Variants in RP1L1 observed in about 807,000 individuals in gnomAD.
RP1L1 encodes the protein RP1 like 1.
A neutral mutation model predicts 15.7 loss-of-function variants in RP1L1; 27 were observed. That is an observed-to-expected ratio of 1.72 (90% CI 1.27 to 2.38). RP1L1 has a LOEUF of 2.38. RP1L1 is among the 30% of genes most tolerant of loss of function. The probability of loss-of-function intolerance (pLI) is 0.00; values close to 1 mark genes in which losing one functional copy is unlikely to be tolerated. For synonymous variants in RP1L1, 1,813 were observed against 1,276.7 expected, an observed-to-expected ratio of 1.42 and a Z score of -8.96; for missense variants, 4,798 against 3,075.9, an observed-to-expected ratio of 1.56 and a Z score of -13.24.
At chr8:10,645,489 C>A (rs1798463296) in intron 1 of RP1L1, among the ~76,000 whole-genome samples, 2 of 152,208 alleles carry the variant, frequency 1.3e-5, no homozygotes, top group South Asian at 4.1e-4. Context: ...AGATCCTACT[C>A]ACCAGGGGCT....
chr8:10,621,902 G>A, intron 2 of RP1L1: 1 of 405,382 alleles, frequency 2.5e-6, no homozygotes, highest in South Asian at 1.8e-5. Context: ...TTCACTCTCT[G>A]GCTTCCCAAA....
Position 10,607,177 on chromosome 8 carries a change from G to T in RP1L1, c.6921C>A (p.Gly2307=), listed in dbSNP as rs767516023. Residue 2307 remains glycine (G), a synonymous_variant, in exon 4 of 4, where the codon GGC becomes GGA. Transcript: ENST00000382483. ...TTTCTGAGTCTTTCTGCCAGCAGTT[G>T]CCCCAAGAGGATGCTCTGGAGGAGG... The part of the protein sequence containing the change: ...GPSSSRASSW[G]NCWQKDSEND... 1.2e-6 allele frequency: 2 copies of T among 1,614,216 alleles called. No homozygotes were observed. The highest frequency in any genetic ancestry group is 1.3e-5 in the African/African-American group (1 of 75,040).
At position 10,607,440 on chromosome 8, in the gene RP1L1, C is replaced by A. The variant is rs1563119360; in HGVS notation, c.6658G>T (p.Glu2220Ter). ...EGVEAPEAEE[E>*]AQPEPEGVET... Reference sequence around the variant, plus strand: ...ACGCCTTCTGGCTCTGGCTGGGCCTCCTCTTCAGCCTCCGGGGCCTCTACA... The same window carrying A: ...ACGCCTTCTGGCTCTGGCTGGGCCTACTCTTCAGCCTCCGGGGCCTCTACA... The change falls in exon 4 of 4, where the codon GAG becomes TAG. Residue 2220 changes from glutamate to a stop codon, truncating the protein, a stop_gained. Transcript: ENST00000382483. LOFTEE classifies it low-confidence loss of function (END_TRUNC). 3.1e-6 allele frequency: 5 copies of A among 1,613,792 alleles called. No homozygotes were observed. The highest frequency in any genetic ancestry group is 2.5e-6 in the Non-Finnish European group (3 of 1,179,934).
intron 1 of RP1L1, among the ~76,000 whole-genome samples, chr8:10,652,654 A>G (rs1798579671): frequency 6.6e-6 from 1 of 151,372 alleles, no homozygotes; most frequent in South Asian, 2.1e-4. Flanking sequence ...TTTACAATTG[A>G]TCCTTCTGTA....
intron 1 of RP1L1, among the ~76,000 whole-genome samples, chr8:10,650,288 T>G (rs114463523): frequency 5.4e-4 from 82 of 152,214 alleles, no homozygotes; most frequent in African/African-American, 1.9e-3. Context: ...AACCCCACAT[T>G]CTTCAAGCCA....
At chr8:10,640,129 G>C (rs1798385858) in intron 1 of RP1L1, among the ~76,000 whole-genome samples, 1 of 152,198 alleles carries the variant, frequency 6.6e-6, no homozygotes, top group Non-Finnish European at 1.5e-5. Flanking sequence ...GAGGACTTAA[G>C]GGTGAGATTG....
At chr8:10,628,967 C>A (rs1798199289) in intron 1 of RP1L1, among the ~76,000 whole-genome samples, 2 of 152,230 alleles carry the variant, frequency 1.3e-5, no homozygotes, top group Non-Finnish European at 2.9e-5. Context: ...GGATGTGCAG[C>A]CTCGTCAGAG....
At chr8:10,641,237 GAACA>G (rs1798401732) in intron 1 of RP1L1, among the ~76,000 whole-genome samples, 1 of 152,202 alleles carries the variant, frequency 6.6e-6, no homozygotes, top group Non-Finnish European at 1.5e-5. Context: ...AATGAAATGT[GAACA>G]GACATGACAT....
chr8:10,634,076 C>G (rs1411231017), intron 1 of RP1L1, among the ~76,000 whole-genome samples: 1 of 152,254 alleles, frequency 6.6e-6, no homozygotes, highest in African/African-American at 2.4e-5. Context: ...AGATAGAGCT[C>G]AGAGGACCAG....
intron 1 of RP1L1, among the ~76,000 whole-genome samples, chr8:10,645,187 C>A (rs1031001473): frequency 6.6e-6 from 1 of 152,000 alleles, no homozygotes; most frequent in African/African-American, 2.4e-5. Flanking sequence ...ATTAGCTGGG[C>A]GTGGTGGTGC....
intron 1 of RP1L1, among the ~76,000 whole-genome samples, chr8:10,653,075 C>T (rs1180193621): frequency 1.3e-5 from 2 of 152,138 alleles, no homozygotes; most frequent in African/African-American, 4.8e-5. Flanking sequence ...CTCCAGCAAG[C>T]CACAGAGTGG....
intron 1 of RP1L1, among the ~76,000 whole-genome samples, chr8:10,626,120 T>G (rs1798153501): frequency 6.6e-6 from 1 of 151,902 alleles, no homozygotes; most frequent in African/African-American, 2.4e-5. Context: ...AGGGCGGACC[T>G]GCAGGGAGGA....
At chr8:10,623,358 T>C (rs1798104852) in intron 1 of RP1L1, 138 bp from the exon 2 acceptor site, 1 of 692,058 alleles carries the variant, frequency 1.4e-6, no homozygotes, top group Non-Finnish European at 2.4e-6. Flanking sequence ...AGTGAATCTA[T>C]TTGGATGGAA....
At chr8:10,634,359 A>C (rs1798298473) in intron 1 of RP1L1, among the ~76,000 whole-genome samples, 1 of 152,178 alleles carries the variant, frequency 6.6e-6, no homozygotes, top group African/African-American at 2.4e-5. Context: ...CACGGACCCT[A>C]GGATGAGCCC....
chr8:10,629,307 C>G (rs556587570), intron 1 of RP1L1, among the ~76,000 whole-genome samples: 39 of 152,018 alleles, frequency 2.6e-4, no homozygotes, highest in African/African-American at 9.2e-4. Context: ...GGGGGCTACC[C>G]ATGGCCCTGA....
At position 10,611,480 on chromosome 8, in the gene RP1L1, G is replaced by A. The variant is rs1431434670; in HGVS notation, c.2618C>T (p.Thr873Ile). 1 of 1,571,024 alleles carries A rather than the reference G, an allele frequency of 6.4e-7. No homozygotes were observed. Among genetic ancestry groups the A allele is most frequent in the South Asian group, 1.1e-5 (1 of 87,138 alleles). Residue 873 changes from threonine to isoleucine, a missense_variant, in exon 4 of 4, where the codon ACC becomes ATC. Coordinates refer to ENST00000382483, the MANE Select transcript of RP1L1 (RefSeq NM_178857.6). The stretch of plus-strand genomic sequence containing the variant: ...GGCAGTGCTTTGGTGGCTGCTGCCG[G>A]TGCTCCCACAGCTGGAAGAGCGCCT... ...PQRRSSSCGS[T>I]GSSHQSTARG...
intron 1 of RP1L1, among the ~76,000 whole-genome samples, chr8:10,632,768 G>T (rs970735651): frequency 2.0e-5 from 3 of 152,210 alleles, no homozygotes; most frequent in Admixed American, 1.3e-4. Context: ...CTCATTCCCA[G>T]TCTGAGGTTG....
At chr8:10,618,368 C>T (rs961884991) in intron 2 of RP1L1, among the ~76,000 whole-genome samples, 5 of 152,044 alleles carry the variant, frequency 3.3e-5, no homozygotes, top group African/African-American at 9.7e-5. Flanking sequence ...ATTACTTGAG[C>T]GTGGTGGTAG....
At position 10,611,962 on chromosome 8, in the gene RP1L1, C is replaced by G. The variant is rs1485013721; in HGVS notation, c.2136G>C (p.Arg712Ser). The G allele has an allele frequency of 6.2e-7, 1 of 1,613,872 alleles. No individual in the cohort carries two copies. Among genetic ancestry groups the G allele is most frequent in the African/African-American group, 1.3e-5 (1 of 75,072 alleles). ...GTCTCAGGTTCCCAGAGGCCTGTGTCCTGGTGCTCGATGAGCTTCCAGAAT... is the reference window on the plus strand; with the variant it reads ...GTCTCAGGTTCCCAGAGGCCTGTGTGCTGGTGCTCGATGAGCTTCCAGAAT... ...PRYSGSSSST[R>S]TQASGNLRPP... The change falls in exon 4 of 4, where the codon AGG becomes AGC. Residue 712 changes from arginine (R) to serine (S), a missense_variant. Coordinates refer to ENST00000382483, the MANE Select transcript of RP1L1 (RefSeq NM_178857.6).
Sources: gnomAD v4.1 joint callset for allele counts (sites outside exome capture counted in the v4.1 genomes callset) on GRCh38, gnomAD v4.1.1 for gene constraint, MANE v1.5 for transcripts, NCBI Gene and HGNC (gene_info 2026-07-23, HGNC 2026-07-21) for gene names.